RBPMS: variants seen among roughly 807,000 people sequenced by gnomAD.
RBPMS encodes the protein RNA-binding protein with multiple splicing.
In RBPMS, 7 loss-of-function variants were observed where a neutral mutation model predicts 26.8. The ratio of observed to expected loss-of-function variants is 0.26; its 90% CI spans 0.15 to 0.49. The LOEUF (loss-of-function observed/expected upper bound fraction) is 0.49, where lower values mean the gene tolerates loss of function less well. Among genes scored for constraint, RBPMS ranks in the 20% least tolerant of loss-of-function variants. The pLI, the probability that RBPMS is intolerant of heterozygous loss-of-function variation, is 0.98. For synonymous variants in RBPMS, 96 were observed against 93.3 expected (o/e 1.03, Z -0.17); for missense variants, 186 against 250.0 (o/e 0.74, Z 1.73).
chr8:30,566,215 G>A (rs963371314), intron 7 of RBPMS, 42 bp from the exon 8 acceptor site: 2 of 981,096 alleles, frequency 2.0e-6, no homozygotes, highest in Non-Finnish European at 2.4e-6. Flanking sequence ...CCCAGGTGGA[G>A]GTTACTGTGC....
intron 1 of RBPMS, among the ~76,000 whole-genome samples, chr8:30,461,106 A>G (rs1045166007): frequency 6.6e-6 from 1 of 152,048 alleles, no homozygotes; most frequent in Non-Finnish European, 1.5e-5. Flanking sequence ...ACTTTAAAGT[A>G]AAAATGCATA....
chr8:30,434,000 T>C (rs1812190191), intron 1 of RBPMS, among the ~76,000 whole-genome samples: 1 of 151,926 alleles, frequency 6.6e-6, no homozygotes, highest in African/African-American at 2.4e-5. Flanking sequence ...ATTTGTAGTT[T>C]AAAAAGAAAA....
chr8:30,389,935 T>C (rs1374701981), intron 1 of RBPMS, among the ~76,000 whole-genome samples: 4 of 152,212 alleles, frequency 2.6e-5, no homozygotes, highest in Non-Finnish European at 5.9e-5. Context: ...GAGGAGAACC[T>C]GTCCTTACCT....
intron 7 of RBPMS, among the ~76,000 whole-genome samples, chr8:30,560,626 G>A (rs1397166980): frequency 2.0e-5 from 3 of 152,052 alleles, no homozygotes; most frequent in Non-Finnish European, 4.4e-5. Context: ...AGTCCTCAGG[G>A]GCAATCGCAG....
At chr8:30,465,808 A>T (rs1210519692) in intron 1 of RBPMS, among the ~76,000 whole-genome samples, 2 of 152,220 alleles carry the variant, frequency 1.3e-5, no homozygotes, top group South Asian at 4.1e-4. Context: ...AAAAAGTCCT[A>T]TCAGAATTAG....
At chr8:30,523,913 TA>T (rs1295068570) in intron 5 of RBPMS, among the ~76,000 whole-genome samples, 2 of 152,192 alleles carry the variant, frequency 1.3e-5, no homozygotes, top group Non-Finnish European at 2.9e-5. Flanking sequence ...CAAACATATC[TA>T]AAAATTGAAG....
intron 1 of RBPMS, among the ~76,000 whole-genome samples, chr8:30,454,825 T>G (rs1025726581): frequency 2.6e-5 from 4 of 152,130 alleles, no homozygotes; most frequent in Non-Finnish European, 4.4e-5. Context: ...TTTTTGTTTG[T>G]TTGGTTTGTT....
intron 6 of RBPMS, chr8:30,552,713 T>C (rs1197949976): frequency 6.6e-6 from 1 of 152,262 alleles, no homozygotes; most frequent in Non-Finnish European, 1.5e-5. Context: ...CTGAGATGTC[T>C]GGGCACATTT....
chr8:30,456,401 C>T (rs1323441626), intron 1 of RBPMS, among the ~76,000 whole-genome samples: 1 of 151,914 alleles, frequency 6.6e-6, no homozygotes, highest in African/African-American at 2.4e-5. Flanking sequence ...CTAAGGGGTC[C>T]ATATTCTTAT....
At chr8:30,480,475 A>G (rs1818160333) in intron 4 of RBPMS, among the ~76,000 whole-genome samples, 1 of 152,182 alleles carries the variant, frequency 6.6e-6, no homozygotes. Flanking sequence ...TGGAACAAAA[A>G]TGTGTACACT....
intron 5 of RBPMS, among the ~76,000 whole-genome samples, chr8:30,518,892 G>A (rs1822682114): frequency 6.6e-6 from 1 of 151,486 alleles, no homozygotes; most frequent in Admixed American, 6.6e-5. Flanking sequence ...CACACCCTGA[G>A]CAGGAAAATG....
intron 8 of RBPMS, among the ~76,000 whole-genome samples, chr8:30,568,060 A>G (rs1261649743): frequency 1.3e-5 from 2 of 152,236 alleles, no homozygotes; most frequent in East Asian, 3.8e-4. Context: ...ATGCCCCTAG[A>G]GGCTCCAGAG....
intron 5 of RBPMS, among the ~76,000 whole-genome samples, chr8:30,510,553 C>G (rs761022113): frequency 3.3e-5 from 5 of 151,866 alleles, no homozygotes; most frequent in Admixed American, 6.6e-5. Context: ...CCTGCTCCCC[C>G]TCCTGCCCTT....
intron 7 of RBPMS, among the ~76,000 whole-genome samples, chr8:30,560,863 G>A (rs1432047563): frequency 2.0e-5 from 3 of 152,098 alleles, no homozygotes; most frequent in Non-Finnish European, 4.4e-5. Flanking sequence ...AGCCAGAAAC[G>A]AAACCAGAGG....
intron 1 of RBPMS, among the ~76,000 whole-genome samples, chr8:30,409,233 G>A (rs1317506639): frequency 2.1e-5 from 3 of 145,426 alleles, no homozygotes; most frequent in East Asian, 2.0e-4. Flanking sequence ...TGCTTTTGTT[G>A]CCCAGGCTAG....
At chr8:30,543,065 G>T (rs1420204251) in intron 5 of RBPMS, among the ~76,000 whole-genome samples, 1 of 152,138 alleles carries the variant, frequency 6.6e-6, no homozygotes, top group Non-Finnish European at 1.5e-5. Context: ...TTACTGCCTT[G>T]TTGAGAGGAG....
intron 1 of RBPMS, among the ~76,000 whole-genome samples, chr8:30,420,187 C>T (rs2150617142): frequency 6.6e-6 from 1 of 151,214 alleles, no homozygotes; most frequent in African/African-American, 2.4e-5. Context: ...GTGATCACAC[C>T]ACTGCACTTC....
chr8:30,495,397 C>T (rs115817306), intron 4 of RBPMS, among the ~76,000 whole-genome samples: 68 of 152,034 alleles, frequency 4.5e-4, no homozygotes, highest in African/African-American at 1.5e-3. Flanking sequence ...GAAACTGTGC[C>T]CAGACTCATG....
At chr8:30,414,115 C>G (rs1361658780) in intron 1 of RBPMS, among the ~76,000 whole-genome samples, 1 of 151,898 alleles carries the variant, frequency 6.6e-6, no homozygotes, top group Non-Finnish European at 1.5e-5. Context: ...CCCCCACCCC[C>G]TCCTCTCCTT....
Sources: gnomAD v4.1 joint callset for allele counts (sites outside exome capture counted in the v4.1 genomes callset) on GRCh38, gnomAD v4.1.1 for gene constraint, MANE v1.5 for transcripts, NCBI Gene and HGNC (gene_info 2026-07-23, HGNC 2026-07-21) for gene names.